Variants in ASCC3 observed in about 807,000 individuals in gnomAD.
The protein encoded by ASCC3 is ASC-1 complex subunit P200.
In ASCC3, 158 loss-of-function variants were observed where a neutral mutation model predicts 256.3. The ratio of observed to expected loss-of-function variants is 0.62; its 90% CI spans 0.54 to 0.70. The LOEUF is 0.70. ASCC3 is among the 30% of genes least tolerant of loss of function. The pLI is 0.00. For missense variants in ASCC3, 2,259 were observed against 2,626.0 expected (o/e 0.86, Z 3.05); for synonymous variants, 948 against 883.4 (o/e 1.07, Z -1.30).
chr6:100,662,153 A>T, intron 15 of ASCC3, 123 bp from the exon 16 acceptor site: 1 of 1,129,624 alleles, frequency 8.9e-7, no homozygotes, highest in Non-Finnish European at 1.3e-6. Flanking sequence ...TAATCCTTTC[A>T]TCATCTGTGA....
chr6:100,677,218 A>G (rs184411499), intron 14 of ASCC3, among the ~76,000 whole-genome samples: 190 of 152,212 alleles, frequency 1.2e-3, no homozygotes, highest in African/African-American at 4.5e-3. Flanking sequence ...GAAAATATTG[A>G]GAAAGATGAC....
intron 10 of ASCC3, among the ~76,000 whole-genome samples, chr6:100,745,064 C>A (rs1457281999): frequency 4.6e-5 from 7 of 152,206 alleles, no homozygotes; most frequent in Non-Finnish European, 1.0e-4. Flanking sequence ...TGCGGGGGCT[C>A]ACGCCTGTAA....
chr6:100,633,295 A>T (rs1471638655), intron 25 of ASCC3, among the ~76,000 whole-genome samples: 1 of 152,062 alleles, frequency 6.6e-6, no homozygotes, highest in Non-Finnish European at 1.5e-5. Context: ...CTCCCCAAAC[A>T]CTAGTCACTT....
chr6:100,835,280 T>G lies in ASCC3; in HGVS notation c.801+12868A>C, dbSNP rs147219893. ...GTTGTACAGATGCTTTTTAGATTGA[T>G]GTAATACAATTTGTCTATTTTTGCT... On this transcript the variant is annotated intron_variant, in intron 4 of 41. Transcript: ENST00000369162. Among the ~76,000 whole-genome samples the G allele has an allele frequency of 7.1e-4, 108 of 152,300 alleles. 1 individual carries two copies. The highest frequency in any genetic ancestry group is 1.3e-3 in the Non-Finnish European group (87 of 67,982).
intron 36 of ASCC3, among the ~76,000 whole-genome samples, chr6:100,551,994 C>G (rs1050476691): frequency 2.0e-5 from 3 of 151,778 alleles, no homozygotes; most frequent in African/African-American, 7.3e-5. Context: ...TCTGCCACTT[C>G]CAAGCTATGT....
intron 37 of ASCC3, chr6:100,530,388 G>C: frequency 2.6e-6 from 3 of 1,160,046 alleles, no homozygotes; most frequent in Non-Finnish European, 3.9e-6. Flanking sequence ...CTGGAAGTTA[G>C]ATGTTGCAAC....
intron 4 of ASCC3, among the ~76,000 whole-genome samples, chr6:100,836,167 T>C (rs1771864599): frequency 6.6e-6 from 1 of 152,132 alleles, no homozygotes; most frequent in African/African-American, 2.4e-5. Context: ...GGGTTTCCTA[T>C]ACATAAGATT....
At chr6:100,627,154 T>C (rs1342242441) in intron 29 of ASCC3, among the ~76,000 whole-genome samples, 3 of 152,184 alleles carry the variant, frequency 2.0e-5, no homozygotes, top group Non-Finnish European at 4.4e-5. Flanking sequence ...TTCTTAAATC[T>C]TTCCTGTTTG....
rs568902395 is a variant in ASCC3 at position 100,510,552 on chromosome 6, C to G, written c.6286-445G>C. On this transcript the variant is annotated intron_variant, in intron 40 of 41. Transcript: ENST00000369162. ...AAACAAACAAAAACACAAAGCCAAT[C>G]AAGACTAGACTCTGGACCCCAAGAT... Among the ~76,000 whole-genome samples, 6 of 152,224 alleles carry G rather than the reference C, an allele frequency of 3.9e-5. No homozygotes were observed. The South Asian group carries it at 1.2e-3, about 32-fold the overall frequency.
chr6:100,617,916 G>T (rs240154), intron 30 of ASCC3, among the ~76,000 whole-genome samples: 90,000 of 152,064 alleles, frequency 0.59, 27,127 homozygotes, highest in East Asian at 0.73. Context: ...AAGGGTTGCC[G>T]CCATGCTGAT....
At chr6:100,560,172 T>G (rs986232873) in intron 36 of ASCC3, among the ~76,000 whole-genome samples, 3 of 152,162 alleles carry the variant, frequency 2.0e-5, no homozygotes, top group African/African-American at 7.2e-5. Context: ...TTAGTTAATG[T>G]TTGCAAAATT....
intron 10 of ASCC3, among the ~76,000 whole-genome samples, chr6:100,728,841 T>C (rs906942159): frequency 1.3e-5 from 2 of 152,150 alleles, no homozygotes; most frequent in Non-Finnish European, 2.9e-5. Flanking sequence ...AATCTCATAT[T>C]CCATGTTTAT....
chr6:100,561,869 C>G (rs1157598266), intron 36 of ASCC3, among the ~76,000 whole-genome samples: 1 of 152,066 alleles, frequency 6.6e-6, no homozygotes, highest in Non-Finnish European at 1.5e-5. Context: ...AGCAAGTGTA[C>G]ATAGAAGAAT....
At chr6:100,713,935 C>T (rs932620011) in intron 13 of ASCC3, among the ~76,000 whole-genome samples, 2 of 152,236 alleles carry the variant, frequency 1.3e-5, no homozygotes, top group African/African-American at 2.4e-5. Flanking sequence ...GAAGGCTATA[C>T]GGGACATTCC....
At chr6:100,861,032 A>G (rs921507295) in intron 3 of ASCC3, among the ~76,000 whole-genome samples, 4 of 152,140 alleles carry the variant, frequency 2.6e-5, no homozygotes, top group African/African-American at 9.6e-5. Flanking sequence ...AAAGCAAACG[A>G]CTACTGAAGT....
intron 10 of ASCC3, among the ~76,000 whole-genome samples, chr6:100,737,321 C>G (rs754062481): frequency 1.6e-4 from 24 of 151,684 alleles, no homozygotes; most frequent in Non-Finnish European, 2.5e-4. Flanking sequence ...CTGTGCAGAT[C>G]ATCCCATCAC....
intron 8 of ASCC3, among the ~76,000 whole-genome samples, chr6:100,785,374 T>G (rs79288950): frequency 6.6e-6 from 1 of 152,136 alleles, no homozygotes; most frequent in African/African-American, 2.4e-5. Context: ...CTTAACTGAA[T>G]GCATTTACAC....
chr6:100,681,027 G>C (rs768172205), intron 13 of ASCC3, among the ~76,000 whole-genome samples: 3 of 152,084 alleles, frequency 2.0e-5, no homozygotes, highest in Non-Finnish European at 4.4e-5. Context: ...GTGACACAAA[G>C]ACATCTATAC....
chr6:100,739,596 T>C lies in ASCC3; in HGVS notation c.1738-13893A>G, dbSNP rs140314626. On this transcript the variant is annotated intron_variant, in intron 10 of 41. Transcript: ENST00000369162. ...TTTTTTTGGTTGGTAGGCTATGTAT[T>C]ACCACCTCTATTTCAGAACTCACTA... 3.6e-4 allele frequency among the ~76,000 whole-genome samples: 55 copies of C among 152,346 alleles called. 1 individual carries two copies. The East Asian group carries it at 0.01, about 29-fold the overall frequency.
Sources: gnomAD v4.1 joint callset for allele counts (sites outside exome capture counted in the v4.1 genomes callset) on GRCh38, gnomAD v4.1.1 for gene constraint, MANE v1.5 for transcripts, NCBI Gene and HGNC (gene_info 2026-07-23, HGNC 2026-07-21) for gene names.